CACNA2D3: variants seen among roughly 807,000 people sequenced by gnomAD.
CACNA2D3 encodes voltage-dependent calcium channel subunit alpha-2/delta-3.
A neutral mutation model predicts 160.6 loss-of-function variants in CACNA2D3; 60 were observed. The ratio of observed to expected loss-of-function variants is 0.37; its 90% CI spans 0.30 to 0.46. The LOEUF is 0.46. Among genes scored for constraint, CACNA2D3 ranks in the 20% least tolerant of loss-of-function variants. The probability of loss-of-function intolerance (pLI) is 1.00; values close to 1 mark genes in which losing one functional copy is unlikely to be tolerated. For synonymous variants in CACNA2D3, 558 were observed against 492.9 expected (o/e 1.13, Z -1.75); for missense variants, 1,205 against 1,365.0 (o/e 0.88, Z 1.85).
At chr3:54,992,689 G>T (rs1702766934) in intron 31 of CACNA2D3, among the ~76,000 whole-genome samples, 1 of 151,858 alleles carries the variant, frequency 6.6e-6, no homozygotes. Context: ...TCCCCTTAGG[G>T]TGTGATGGGA....
At chr3:54,458,847 G>T (rs1700446454) in intron 4 of CACNA2D3, among the ~76,000 whole-genome samples, 1 of 151,864 alleles carries the variant, frequency 6.6e-6, no homozygotes, top group Non-Finnish European at 1.5e-5. Context: ...ATGTATACAT[G>T]TGCCATGCTG....
At position 55,018,998 on chromosome 3, in the gene CACNA2D3, G is replaced by C. The variant is rs534211119; in HGVS notation, c.2987+681G>C. ...GGGTCTTACTGTGTTGCCTGGGCTG[G>C]TCTCAAACTCCTGGGCTCAAGCAGT... is the stretch of plus-strand genomic sequence containing the variant. On this transcript the variant is annotated intron_variant, in intron 35 of 37. Transcript: ENST00000474759. Among the ~76,000 whole-genome samples the C allele has an allele frequency of 1.6e-4, 23 of 148,124 alleles. No individual in the cohort carries two copies. In the East Asian group the frequency reaches 4.2e-3, roughly 27 times the overall value.
intron 5 of CACNA2D3, among the ~76,000 whole-genome samples, chr3:54,558,134 T>G (rs965545987): frequency 6.6e-5 from 10 of 152,218 alleles, no homozygotes; most frequent in Non-Finnish European, 1.3e-4. Context: ...TATGTGACCA[T>G]TTCTAGCATT....
rs1009133916 is a variant in CACNA2D3, at chr3:54,991,653, T to G, written c.2690+3900T>G. On this transcript the variant is annotated intron_variant, in intron 31 of 37. Coordinates refer to ENST00000474759, the MANE Select transcript of CACNA2D3 (RefSeq NM_018398.3). The stretch of plus-strand genomic sequence containing the variant: ...GAAAATACAGCCTGTCATAGGAGTC[T>G]TCTTCTTTCAAGGTTCCTGACGGGG... Among the ~76,000 whole-genome samples the G allele has an allele frequency of 3.9e-5, 6 of 152,172 alleles. No individual in the cohort carries two copies. The East Asian group carries it at 5.8e-4, about 15-fold the overall frequency.
intron 2 of CACNA2D3, among the ~76,000 whole-genome samples, chr3:54,149,298 C>CACACAT (rs1330832520): frequency 6.6e-6 from 1 of 151,134 alleles, no homozygotes; most frequent in Admixed American, 6.6e-5. Context: ...CACACACACA[C>CACACAT]ATATGTGTGG....
intron 11 of CACNA2D3, among the ~76,000 whole-genome samples, chr3:54,662,234 TACTGAGG>T (rs1699987481): frequency 6.6e-6 from 1 of 152,194 alleles, no homozygotes; most frequent in South Asian, 2.1e-4. Flanking sequence ...GCCTCTATGC[TACTGAGG>T]ACTGAACACA....
Position 54,329,058 on chromosome 3 carries a change from G to A in CACNA2D3, c.321+8500G>A, listed in dbSNP as rs111901308. On this transcript the variant is annotated intron_variant, in intron 3 of 37. Transcript: ENST00000474759. ...AAGGGGTCCTGTTCCCAGATGGCTC[G>A]TTGTCTGAGCACCCAGACTGACCAC... is the stretch of plus-strand genomic sequence containing the variant. Among the ~76,000 whole-genome samples, 1,251 of 152,258 alleles carry A rather than the reference G, an allele frequency of 8.2e-3. 16 individuals are homozygous for A. Among genetic ancestry groups the A allele is most frequent in the African/African-American group, 0.029 (1,194 of 41,534 alleles).
chr3:55,018,189 T>C lies in CACNA2D3; in HGVS notation c.2876-17T>C, dbSNP rs112484634. On this transcript the variant is annotated splice_polypyrimidine_tract_variant and intron_variant, in intron 34 of 37. Coordinates refer to ENST00000474759, the MANE Select transcript of CACNA2D3 (RefSeq NM_018398.3). ...GCCTTGCATTCTTTACCTTTTTTTTTCCCACTATCCCTACAGCCCAGAAAT... is the reference window on the plus strand; with the variant it reads ...GCCTTGCATTCTTTACCTTTTTTTTCCCCACTATCCCTACAGCCCAGAAAT... The C allele has an allele frequency of 1.1e-4, 167 of 1,541,578 alleles. No homozygotes were observed. The highest frequency in any genetic ancestry group is 2.2e-4 in the African/African-American group (16 of 73,584).
chr3:54,679,207 G>A (rs973745741), intron 11 of CACNA2D3, among the ~76,000 whole-genome samples: 11 of 152,180 alleles, frequency 7.2e-5, no homozygotes, highest in African/African-American at 2.7e-4. Context: ...GAAGGGGACG[G>A]TCTTTGTGGC....
intron 27 of CACNA2D3, chr3:54,918,332 CTTTTTTTTT>C (rs533596688): frequency 7.9e-4 from 181 of 227,856 alleles, no homozygotes; most frequent in East Asian, 2.1e-3. Flanking sequence ...TTTTTTTTTT[CTTTTTTTTT>C]TTTTTTTTTT....
chr3:54,543,406 T>A (rs1013066366), intron 5 of CACNA2D3, among the ~76,000 whole-genome samples: 18 of 152,244 alleles, frequency 1.2e-4, no homozygotes, highest in Non-Finnish European at 2.1e-4. Context: ...TTGATTTTTT[T>A]AACAGCGGAT....
chr3:54,776,552 A>G (rs548757250), intron 13 of CACNA2D3, among the ~76,000 whole-genome samples: 1 of 152,208 alleles, frequency 6.6e-6, no homozygotes, highest in Non-Finnish European at 1.5e-5. Context: ...AACAAAGACA[A>G]AACAACAAAA....
intron 25 of CACNA2D3, chr3:54,894,539 G>C (rs1198594690): frequency 4.2e-6 from 2 of 480,556 alleles, no homozygotes; most frequent in Non-Finnish European, 8.3e-6. Context: ...TCTGGAAAAA[G>C]GTCCCCTGTG....
At chr3:54,660,285 T>C (rs1221021298) in intron 11 of CACNA2D3, among the ~76,000 whole-genome samples, 2 of 152,004 alleles carry the variant, frequency 1.3e-5, no homozygotes, top group African/African-American at 4.8e-5. Flanking sequence ...CTCAGCCTCC[T>C]GAGTAGCTGG....
intron 12 of CACNA2D3, among the ~76,000 whole-genome samples, chr3:54,762,517 G>T (rs920867549): frequency 1.9e-4 from 29 of 152,342 alleles, no homozygotes; most frequent in Non-Finnish European, 2.5e-4. Context: ...GGCCCCAGGG[G>T]GGGCAGGGGT....
intron 27 of CACNA2D3, among the ~76,000 whole-genome samples, chr3:54,922,683 C>T (rs1225598782): frequency 1.3e-5 from 2 of 152,126 alleles, no homozygotes; most frequent in Non-Finnish European, 2.9e-5. Flanking sequence ...TCTGTAGCTC[C>T]AACATCTTCC....
intron 2 of CACNA2D3, among the ~76,000 whole-genome samples, chr3:54,147,638 A>G (rs1700060993): frequency 6.6e-6 from 1 of 152,200 alleles, no homozygotes; most frequent in Non-Finnish European, 1.5e-5. Context: ...TCCCCTGTAC[A>G]ATGGGGATGC....
intron 5 of CACNA2D3, among the ~76,000 whole-genome samples, chr3:54,534,465 C>T (rs1462449414): frequency 6.6e-6 from 1 of 152,138 alleles, no homozygotes; most frequent in East Asian, 1.9e-4. Flanking sequence ...CCATGTGAAG[C>T]TCATCAGCAC....
intron 4 of CACNA2D3, among the ~76,000 whole-genome samples, chr3:54,492,067 G>A (rs183540358): frequency 3.9e-5 from 6 of 152,270 alleles, no homozygotes; most frequent in Admixed American, 2.6e-4. Context: ...GGTTACAGGA[G>A]CCTAGATAAA....
Sources: allele counts gnomAD v4.1 joint callset (sites outside exome capture counted in the v4.1 genomes callset), GRCh38; gene constraint gnomAD v4.1.1; transcripts MANE v1.5; gene names NCBI Gene and HGNC (gene_info 2026-07-23, HGNC 2026-07-21).